Variants in SLC8A1 observed in about 807,000 individuals in gnomAD.
The protein encoded by SLC8A1 is solute carrier family 8 member A1, also known as sodium/calcium exchanger 1.
Under a neutral mutation model 68.3 loss-of-function variants are expected in SLC8A1, and 18 were observed. That is an observed-to-expected ratio of 0.26 (90% CI 0.18 to 0.39). The LOEUF (loss-of-function observed/expected upper bound fraction) is 0.39, where lower values mean the gene tolerates loss of function less well. Ranked by LOEUF, SLC8A1 falls within the 10% of genes least tolerant of loss-of-function variation. The pLI is 1.00. For missense variants in SLC8A1, 985 were observed against 1,156.7 expected, an observed-to-expected ratio of 0.85 and a Z score of 2.15; for synonymous variants, 475 against 415.5, an observed-to-expected ratio of 1.14 and a Z score of -1.74.
chr2:40,246,939 TA>T (rs927657501), intron 2 of SLC8A1, among the ~76,000 whole-genome samples: 8 of 66,162 alleles, frequency 1.2e-4, no homozygotes, highest in East Asian at 4.7e-4. Flanking sequence ...ATATTTCTGC[TA>T]AAAAAAAAAA....
chr2:40,274,126 C>T (rs1237442709), intron 2 of SLC8A1, among the ~76,000 whole-genome samples: 2 of 150,172 alleles, frequency 1.3e-5, no homozygotes, highest in African/African-American at 4.9e-5. Flanking sequence ...AGTCAGAGGG[C>T]CCTCAGAAGA....
intron 2 of SLC8A1, among the ~76,000 whole-genome samples, chr2:40,277,848 C>T (rs1323442617): frequency 2.3e-5 from 3 of 128,376 alleles, no homozygotes; most frequent in Non-Finnish European, 3.2e-5. Context: ...CATATGGTTG[C>T]TTACTATGTG....
intron 2 of SLC8A1, among the ~76,000 whole-genome samples, chr2:40,310,000 T>C (rs769486279): frequency 1.1e-4 from 16 of 152,308 alleles, no homozygotes; most frequent in South Asian, 2.1e-4. Flanking sequence ...CCTCAGCCCC[T>C]GGCAATCACT....
intron 2 of SLC8A1, among the ~76,000 whole-genome samples, chr2:40,283,652 T>C (rs34609846): frequency 0.25 from 37,323 of 152,134 alleles, 4,802 homozygotes; most frequent in East Asian, 0.38. Context: ...CACCCAGTGC[T>C]TGAAACGCAT....
chr2:40,379,353 T>C (rs1044863639), intron 2 of SLC8A1, among the ~76,000 whole-genome samples: 22 of 152,162 alleles, frequency 1.4e-4, no homozygotes, highest in Non-Finnish European at 2.8e-4. Context: ...TTAGCTAATG[T>C]AGATGACTTG....
rs537852859 is a variant in SLC8A1 at position 40,339,663 on chromosome 2, T to C, written c.1808+88810A>G. 2.6e-5 allele frequency among the ~76,000 whole-genome samples: 4 copies of C among 152,328 alleles called. No individual in the cohort carries two copies. The East Asian group carries it at 7.7e-4, about 29-fold the overall frequency. On this transcript the variant is annotated intron_variant, in intron 2 of 7. Transcript: ENST00000406785. ...ATGATTCCATTGTCAATATCACCAATGAATGTCTCACACATGCATAGGAAA... is the reference window on the plus strand; with the variant it reads ...ATGATTCCATTGTCAATATCACCAACGAATGTCTCACACATGCATAGGAAA...
intron 2 of SLC8A1, among the ~76,000 whole-genome samples, chr2:40,339,125 C>G (rs1666921145): frequency 6.6e-6 from 1 of 150,522 alleles, no homozygotes; most frequent in Non-Finnish European, 1.5e-5. Context: ...AAACAAATAC[C>G]CACTACGCGC....
chr2:40,428,788 A>G (rs1212802978), exon 2 of SLC8A1: 2 of 1,613,844 alleles, frequency 1.2e-6, no homozygotes, highest in East Asian at 4.5e-5. Flanking sequence ...AGATACTTTG[A>G]CATTGCTGAG....
At position 40,274,292 on chromosome 2, in the gene SLC8A1, C is replaced by T. The variant is rs114555885; in HGVS notation, c.1809-96437G>A. Among the ~76,000 whole-genome samples the T allele has an allele frequency of 8.3e-3, 1,250 of 150,454 alleles. 15 individuals are homozygous for T. Among genetic ancestry groups the T allele is most frequent in the African/African-American group, 0.029 (1,192 of 40,792 alleles). On this transcript the variant is annotated intron_variant, in intron 2 of 7. Coordinates refer to ENST00000406785, the Ensembl canonical transcript of SLC8A1. ...CCCCACATAAATGTATTGAGTAATC[C>T]GAACTTGCTTATTTTGTAAATAAAC...
intron 2 of SLC8A1, among the ~76,000 whole-genome samples, chr2:40,415,802 T>C (rs1355540745): frequency 6.7e-6 from 1 of 149,806 alleles, no homozygotes. Flanking sequence ...ACACCTGAGG[T>C]CCGGAGTTCA....
chr2:40,397,339 A>G (rs979498580), intron 2 of SLC8A1, among the ~76,000 whole-genome samples: 3 of 152,198 alleles, frequency 2.0e-5, no homozygotes, highest in South Asian at 2.1e-4. Flanking sequence ...AGCATTATAG[A>G]TAATAAAATT....
intron 7 of SLC8A1, among the ~76,000 whole-genome samples, chr2:40,116,326 A>G (rs999348335): frequency 1.3e-5 from 2 of 152,044 alleles, no homozygotes; most frequent in South Asian, 4.2e-4. Context: ...ATTTTTTATT[A>G]TTATACTTTA....
chr2:40,490,794 G>T (rs1705265888), intron 1 of SLC8A1, among the ~76,000 whole-genome samples: 1 of 152,092 alleles, frequency 6.6e-6, no homozygotes, highest in Non-Finnish European at 1.5e-5. Flanking sequence ...ATTATAAAGT[G>T]CAGTGAAGTT....
In SLC8A1 at chr2:40,310,681, G is replaced by C. The variant is rs1007755554; in HGVS notation, c.1808+117792C>G. Among the ~76,000 whole-genome samples the C allele has an allele frequency of 2.6e-5, 4 of 152,090 alleles. No homozygotes were observed. In the South Asian group the frequency reaches 8.3e-4, roughly 31 times the overall value. On this transcript the variant is annotated intron_variant, in intron 2 of 7. Coordinates refer to ENST00000406785, the Ensembl canonical transcript of SLC8A1. The stretch of plus-strand genomic sequence containing the variant: ...GATGAACAATCTGAGCTCTAGAGGG[G>C]CTAAGAGACCTCCCCTCAAGCTCAC...
intron 1 of SLC8A1, among the ~76,000 whole-genome samples, chr2:40,444,648 C>T (rs569920009): frequency 2.6e-5 from 4 of 152,082 alleles, no homozygotes; most frequent in East Asian, 1.9e-4. Flanking sequence ...TCTCGTAAGG[C>T]GCACAAAATT....
At chr2:40,399,165 C>T (rs1221734292) in intron 2 of SLC8A1, among the ~76,000 whole-genome samples, 1 of 152,154 alleles carries the variant, frequency 6.6e-6, no homozygotes, top group Non-Finnish European at 1.5e-5. Context: ...TGATTTAGAA[C>T]AGAACTGCAG....
intron 4 of SLC8A1, 68 bp from the exon 8 acceptor site, chr2:40,165,052 C>T: frequency 6.3e-7 from 1 of 1,595,276 alleles, no homozygotes; most frequent in Non-Finnish European, 8.5e-7. Flanking sequence ...TGGATCCTGC[C>T]ATAAGAAAGC....
chr2:40,252,223 T>G (rs2062871461), intron 2 of SLC8A1, among the ~76,000 whole-genome samples: 1 of 152,226 alleles, frequency 6.6e-6, no homozygotes, highest in Non-Finnish European at 1.5e-5. Context: ...CTTCGCGGTT[T>G]ATTCTTTTAC....
chr2:40,277,342 C>G (rs899169916), intron 2 of SLC8A1, among the ~76,000 whole-genome samples: 2 of 151,982 alleles, frequency 1.3e-5, no homozygotes, highest in African/African-American at 4.8e-5. Context: ...GAGTTTGAGA[C>G]CAGCCTGGCC....
Sources: gnomAD v4.1 joint callset for allele counts (sites outside exome capture counted in the v4.1 genomes callset) on GRCh38, gnomAD v4.1.1 for gene constraint, MANE v1.5 for transcripts, NCBI Gene and HGNC (gene_info 2026-07-23, HGNC 2026-07-21) for gene names.